Variants in LRFN2 observed in about 807,000 individuals in gnomAD.
The protein encoded by LRFN2 is leucine rich repeat and fibronectin type III domain containing 2, also known as leucine-rich repeat and fibronectin type-III domain-containing protein 2.
In LRFN2, 18 loss-of-function variants were observed where a neutral mutation model predicts 37.3. The ratio of observed to expected loss-of-function variants is 0.48; its 90% confidence interval spans 0.33 to 0.72. The LOEUF (loss-of-function observed/expected upper bound fraction) is 0.72. Among genes scored for constraint, LRFN2 ranks in the 30% least tolerant of loss-of-function variants. The pLI is 0.02. For synonymous variants in LRFN2, 556 were observed against 466.6 expected (o/e 1.19, Z -2.47); for missense variants, 1,006 against 1,060.7 (o/e 0.95, Z 0.72).
intron 1 of LRFN2, among the ~76,000 whole-genome samples, chr6:40,469,017 A>C (rs1435597599): frequency 6.6e-6 from 1 of 152,210 alleles, no homozygotes; most frequent in Non-Finnish European, 1.5e-5. Flanking sequence ...TATCTAAAAA[A>C]AGGGTATTTC....
intron 1 of LRFN2, among the ~76,000 whole-genome samples, chr6:40,573,594 T>C (rs78466671): frequency 0.038 from 5,832 of 152,292 alleles, 179 homozygotes; most frequent in Non-Finnish European, 0.057. Context: ...ACAACTGGAT[T>C]CAAATCCTGG....
chr6:40,403,861 C>A (rs1220853645), intron 2 of LRFN2, among the ~76,000 whole-genome samples: 1 of 152,202 alleles, frequency 6.6e-6, no homozygotes, highest in African/African-American at 2.4e-5. Flanking sequence ...CCTCACATGG[C>A]TCACAGGCCC....
chr6:40,544,699 T>G (rs1162007549), intron 1 of LRFN2, among the ~76,000 whole-genome samples: 5 of 152,208 alleles, frequency 3.3e-5, no homozygotes, highest in Admixed American at 3.3e-4. Flanking sequence ...GCTTTAAGCC[T>G]GCCAGTATAA....
At chr6:40,558,359 C>G (rs1766929095) in intron 1 of LRFN2, among the ~76,000 whole-genome samples, 1 of 152,190 alleles carries the variant, frequency 6.6e-6, no homozygotes, top group Non-Finnish European at 1.5e-5. Context: ...CACTTCCTTC[C>G]CCGCATTGTG....
At chr6:40,580,595 T>C (rs1048693620) in intron 1 of LRFN2, among the ~76,000 whole-genome samples, 3 of 152,190 alleles carry the variant, frequency 2.0e-5, no homozygotes, top group Non-Finnish European at 4.4e-5. Flanking sequence ...CTCATCCATA[T>C]ACAAAAGAAG....
intron 1 of LRFN2, among the ~76,000 whole-genome samples, chr6:40,445,553 G>A (rs1170688914): frequency 6.6e-6 from 1 of 152,224 alleles, no homozygotes; most frequent in Non-Finnish European, 1.5e-5. Flanking sequence ...TTGTCTTAAT[G>A]AGGACATTCT....
At chr6:40,516,795 C>T (rs1765890219) in intron 1 of LRFN2, among the ~76,000 whole-genome samples, 1 of 152,134 alleles carries the variant, frequency 6.6e-6, no homozygotes, top group Non-Finnish European at 1.5e-5. Flanking sequence ...CCATTCTGAG[C>T]CTTGCTTGCT....
At chr6:40,489,783 A>C (rs1765044369) in intron 1 of LRFN2, among the ~76,000 whole-genome samples, 1 of 152,118 alleles carries the variant, frequency 6.6e-6, no homozygotes, top group South Asian at 2.1e-4. Flanking sequence ...GAGACAAAAG[A>C]GAGGGCTGAC....
chr6:40,425,274 G>A (rs1214038438), intron 2 of LRFN2, among the ~76,000 whole-genome samples: 1 of 152,166 alleles, frequency 6.6e-6, no homozygotes, highest in East Asian at 1.9e-4. Flanking sequence ...CAAGGATGGG[G>A]GCAGCATAAC....
rs765634371 is a variant in LRFN2, at chr6:40,445,622, T to C, written c.-18-12491A>G. 2.6e-4 allele frequency among the ~76,000 whole-genome samples: 40 copies of C among 152,130 alleles called. 1 individual carries two copies. Among genetic ancestry groups the C allele is most frequent in the Non-Finnish European group, 7.4e-5 (5 of 68,016 alleles). On this transcript the variant is annotated intron_variant, in intron 1 of 2. Transcript: ENST00000338305. ...TGGAGAGAGGTGGATCTACCAAAGG[T>C]GGACAATTACAGAAACCTTTTAAAG...
At chr6:40,424,160 C>T (rs564783609) in intron 2 of LRFN2, among the ~76,000 whole-genome samples, 1 of 152,192 alleles carries the variant, frequency 6.6e-6, no homozygotes, top group Non-Finnish European at 1.5e-5. Flanking sequence ...CCATTGATTA[C>T]CTGGATGATC....
intron 1 of LRFN2, among the ~76,000 whole-genome samples, chr6:40,441,964 T>C (rs1763847246): frequency 6.6e-6 from 1 of 152,086 alleles, no homozygotes; most frequent in Admixed American, 6.5e-5. Flanking sequence ...AGGGATGCAT[T>C]TCCAGTCACC....
At chr6:40,506,915 G>A (rs1765558108) in intron 1 of LRFN2, among the ~76,000 whole-genome samples, 1 of 151,860 alleles carries the variant, frequency 6.6e-6, no homozygotes, top group Non-Finnish European at 1.5e-5. Flanking sequence ...ACCCAGCAGG[G>A]ATGTAAAGCT....
intron 1 of LRFN2, among the ~76,000 whole-genome samples, chr6:40,486,651 A>G (rs1355539831): frequency 6.6e-6 from 1 of 152,054 alleles, no homozygotes; most frequent in Non-Finnish European, 1.5e-5. Flanking sequence ...AATGTTAATA[A>G]ATCATCTGGA....
Position 40,513,780 on chromosome 6 carries a change from G to T in LRFN2, c.-19+73161C>A, listed in dbSNP as rs376111407. Among the ~76,000 whole-genome samples, 403 of 152,222 alleles carry T rather than the reference G, an allele frequency of 2.6e-3. 4 individuals carry two copies. The highest frequency in any genetic ancestry group is 4.0e-3 in the Non-Finnish European group (271 of 68,010). On this transcript the variant is annotated intron_variant, in intron 1 of 2. Coordinates refer to ENST00000338305, the MANE Select transcript of LRFN2 (RefSeq NM_020737.3). ...AGAGATTTTAAGAGTAGTCAGGAAG[G>T]TCTCATCAAGATGAGGGCAAGATCA... is the stretch of plus-strand genomic sequence containing the variant.
At chr6:40,481,814 C>G (rs1429697612) in intron 1 of LRFN2, among the ~76,000 whole-genome samples, 5 of 152,200 alleles carry the variant, frequency 3.3e-5, no homozygotes, top group Non-Finnish European at 7.3e-5. Context: ...GGTGAAGACT[C>G]AGTCCCACAA....
chr6:40,523,505 A>ATTTTTTTTTTTTTT lies in LRFN2; in HGVS notation c.-19+63422_-19+63435dup, dbSNP rs751179915. ...TAGGACCCTAAAGCATCTTTAGGTG[A>ATTTTTTTTTTTTTT]TTTTTTTTTTTTTTTTTTTTTTTTT... On this transcript the variant is annotated intron_variant, in intron 1 of 2. Transcript: ENST00000338305. 1.5e-5 allele frequency among the ~76,000 whole-genome samples: 2 copies of ATTTTTTTTTTTTTT among 129,314 alleles called. 1 individual carries two copies. 84.8% of individuals were successfully genotyped at this position (129,314 alleles called of 152,430 possible). A position where few individuals can be genotyped will look rare whatever the true frequency, so the allele number is the denominator to read the frequency against.
chr6:40,487,030 C>T (rs769665523), intron 1 of LRFN2, among the ~76,000 whole-genome samples: 3 of 152,042 alleles, frequency 2.0e-5, no homozygotes, highest in Non-Finnish European at 4.4e-5. Flanking sequence ...GTGTCACATA[C>T]CTGGGAGGGG....
At chr6:40,510,195 A>G (rs1765664935) in intron 1 of LRFN2, among the ~76,000 whole-genome samples, 1 of 151,882 alleles carries the variant, frequency 6.6e-6, no homozygotes, top group Admixed American at 6.5e-5. Flanking sequence ...TATACCAGGG[A>G]ACACTGGGCT....
Sources: allele counts gnomAD v4.1 joint callset (sites outside exome capture counted in the v4.1 genomes callset), GRCh38; gene constraint gnomAD v4.1.1; transcripts MANE v1.5; gene names NCBI Gene and HGNC (gene_info 2026-07-23, HGNC 2026-07-21).